The following ADAMTS3 variants were observed in gnomAD, a reference collection of about 807,000 sequenced individuals.
ADAMTS3 encodes the protein A disintegrin and metalloproteinase with thrombospondin motifs 3.
Under a neutral mutation model 129.0 loss-of-function variants are expected in ADAMTS3, and 73 were observed. The ratio of observed to expected loss-of-function variants is 0.57; its 90% CI spans 0.47 to 0.69. ADAMTS3 has a LOEUF of 0.69. Among genes scored for constraint, ADAMTS3 ranks in the 30% least tolerant of loss-of-function variants. The pLI, the probability that ADAMTS3 is intolerant of heterozygous loss-of-function variation, is 0.00. For missense variants in ADAMTS3, 1,457 were observed against 1,514.5 expected, an observed-to-expected ratio of 0.96 and a Z score of 0.63; for synonymous variants, 477 against 510.8, an observed-to-expected ratio of 0.93 and a Z score of 0.89.
In ADAMTS3 at chr4:72,470,556, G is replaced by C. The variant is rs544443978; in HGVS notation, c.505-55585C>G. Among the ~76,000 whole-genome samples, 17 of 151,614 alleles carry C rather than the reference G, an allele frequency of 1.1e-4. 1 individual carries two copies. The East Asian group carries it at 3.3e-3, about 30-fold the overall frequency. ...TGTATATGCATGACTTATAGTAATAGTTCTCGAAATTTAACCTGTGAATCC... is the reference window on the plus strand; with the variant it reads ...TGTATATGCATGACTTATAGTAATACTTCTCGAAATTTAACCTGTGAATCC... On this transcript the variant is annotated intron_variant, in intron 3 of 21. Coordinates refer to ENST00000286657, the MANE Select transcript of ADAMTS3 (RefSeq NM_014243.3).
chr4:72,485,641 C>A (rs922543282), intron 3 of ADAMTS3, among the ~76,000 whole-genome samples: 3 of 152,088 alleles, frequency 2.0e-5, no homozygotes, highest in African/African-American at 4.8e-5. Flanking sequence ...ACAAACTTTT[C>A]TTTTCTCTCC....
At chr4:72,507,138 TA>T (rs1307733942) in intron 3 of ADAMTS3, among the ~76,000 whole-genome samples, 1 of 152,214 alleles carries the variant, frequency 6.6e-6, no homozygotes, top group Non-Finnish European at 1.5e-5. Flanking sequence ...TGTGTATAAA[TA>T]TAGTTTGAGA....
At chr4:72,530,642 A>T (rs1445983659) in intron 3 of ADAMTS3, among the ~76,000 whole-genome samples, 2 of 81,960 alleles carry the variant, frequency 2.4e-5, no homozygotes, top group African/African-American at 9.7e-5. Flanking sequence ...ATAATATATT[A>T]TATATAATAT....
chr4:72,566,589 A>G (rs1722025328), intron 2 of ADAMTS3, among the ~76,000 whole-genome samples: 2 of 152,252 alleles, frequency 1.3e-5, no homozygotes, highest in East Asian at 1.9e-4. Flanking sequence ...TGCCAAAAAG[A>G]AAAATTATCT....
intron 3 of ADAMTS3, among the ~76,000 whole-genome samples, chr4:72,432,885 T>A (rs887806053): frequency 6.6e-6 from 1 of 151,932 alleles, no homozygotes; most frequent in Non-Finnish European, 1.5e-5. Context: ...TATTTATATT[T>A]TCAAGAAAAA....
chr4:72,500,438 T>C (rs150753732), intron 3 of ADAMTS3, among the ~76,000 whole-genome samples: 9 of 152,176 alleles, frequency 5.9e-5, no homozygotes, highest in Non-Finnish European at 1.0e-4. Flanking sequence ...TCTGTTCATG[T>C]TCTTTGCCCA....
rs144006674 is a variant in ADAMTS3, at chr4:72,402,427, AC to A, written c.661+12387del. ...CAATAACATACCTTGCATCAAGAATACCATAGGTGTTCATCTAAAATTTATC... is the reference window on the plus strand; with the variant it reads ...CAATAACATACCTTGCATCAAGAATACATAGGTGTTCATCTAAAATTTATC... On this transcript the variant is annotated intron_variant, in intron 4 of 21. Transcript: ENST00000286657. 5.9e-3 allele frequency among the ~76,000 whole-genome samples: 901 copies of A among 152,314 alleles called. 15 individuals carry two copies. Among genetic ancestry groups the A allele is most frequent in the African/African-American group, 0.021 (862 of 41,572 alleles).
At chr4:72,528,952 G>A (rs1452030906) in intron 3 of ADAMTS3, among the ~76,000 whole-genome samples, 3 of 152,066 alleles carry the variant, frequency 2.0e-5, no homozygotes, top group Non-Finnish European at 4.4e-5. Flanking sequence ...AGATAAACTT[G>A]AGATGCCAAT....
intron 3 of ADAMTS3, among the ~76,000 whole-genome samples, chr4:72,544,841 G>A (rs1256485704): frequency 1.3e-5 from 2 of 152,004 alleles, no homozygotes; most frequent in Non-Finnish European, 2.9e-5. Context: ...ATTATTTTCT[G>A]TTTGTCCAGG....
At chr4:72,457,225 C>T (rs1243834520) in intron 3 of ADAMTS3, among the ~76,000 whole-genome samples, 1 of 151,700 alleles carries the variant, frequency 6.6e-6, no homozygotes, top group Non-Finnish European at 1.5e-5. Context: ...TGCCCATAGG[C>T]ATAACCTACA....
intron 3 of ADAMTS3, among the ~76,000 whole-genome samples, chr4:72,514,845 A>G (rs998201501): frequency 2.6e-5 from 4 of 152,128 alleles, no homozygotes; most frequent in Non-Finnish European, 4.4e-5. Context: ...TTTTTTAATT[A>G]TTATTATACT....
At chr4:72,388,652 T>C (rs1486793751) in intron 4 of ADAMTS3, among the ~76,000 whole-genome samples, 2 of 152,200 alleles carry the variant, frequency 1.3e-5, no homozygotes, top group Admixed American at 6.5e-5. Flanking sequence ...CTCTTTGCTG[T>C]AGCAGTTTAA....
intron 5 of ADAMTS3, among the ~76,000 whole-genome samples, chr4:72,336,994 A>G (rs556127454): frequency 6.6e-6 from 1 of 152,262 alleles, no homozygotes; most frequent in Admixed American, 6.5e-5. Flanking sequence ...ACACTTAAGT[A>G]TATGCAATTG....
At chr4:72,509,841 G>A (rs908765257) in intron 3 of ADAMTS3, among the ~76,000 whole-genome samples, 12 of 151,660 alleles carry the variant, frequency 7.9e-5, no homozygotes, top group Non-Finnish European at 1.6e-4. Context: ...TATGTCTGAT[G>A]GATACTGACA....
intron 3 of ADAMTS3, among the ~76,000 whole-genome samples, chr4:72,516,350 T>C: frequency 6.6e-6 from 1 of 152,140 alleles, no homozygotes; most frequent in Non-Finnish European, 1.5e-5. Context: ...AACTTTCAAG[T>C]AGTTTTTTCC....
rs577826643 is a variant in ADAMTS3 at position 72,526,714 on chromosome 4, C to T, written c.504+21764G>A. ...TATACACTACACACATATATAGAGA[C>T]AGAAAAAATATATACATACATATAT... On this transcript the variant is annotated intron_variant, in intron 3 of 21. Coordinates refer to ENST00000286657, the MANE Select transcript of ADAMTS3 (RefSeq NM_014243.3). Among the ~76,000 whole-genome samples the T allele has an allele frequency of 9.0e-5, 10 of 110,634 alleles. No individual in the cohort carries two copies. The East Asian group carries it at 2.1e-3, about 23-fold the overall frequency. The allele number at this position is 110,634 out of a possible 152,430, so 72.6% of individuals were successfully genotyped here.
At chr4:72,525,189 T>G (rs567963061) in intron 3 of ADAMTS3, among the ~76,000 whole-genome samples, 1 of 152,326 alleles carries the variant, frequency 6.6e-6, no homozygotes, top group African/African-American at 2.4e-5. Context: ...GAAGAGAAAC[T>G]GCTCCAAATT....
At chr4:72,537,420 T>C (rs762331412) in intron 3 of ADAMTS3, among the ~76,000 whole-genome samples, 1 of 152,156 alleles carries the variant, frequency 6.6e-6, no homozygotes, top group Non-Finnish European at 1.5e-5. Flanking sequence ...CATTTTTCTC[T>C]TTTTCTCCTT....
chr4:72,426,415 C>T (rs1471480637), intron 3 of ADAMTS3, among the ~76,000 whole-genome samples: 1 of 151,938 alleles, frequency 6.6e-6, no homozygotes, highest in Non-Finnish European at 1.5e-5. Context: ...TGAATCTGGG[C>T]ATTTGATTCT....
Sources: gnomAD v4.1 joint callset for allele counts (sites outside exome capture counted in the v4.1 genomes callset) on GRCh38, gnomAD v4.1.1 for gene constraint, MANE v1.5 for transcripts, NCBI Gene and HGNC (gene_info 2026-07-23, HGNC 2026-07-21) for gene names.